The following PCDH10 variants were observed in gnomAD, a reference collection of about 807,000 sequenced individuals.
PCDH10 encodes the protein protocadherin 10.
A neutral mutation model predicts 74.4 loss-of-function variants in PCDH10; 15 were observed. The observed-to-expected ratio is 0.20, with a 90% CI of 0.13 to 0.31. The LOEUF is 0.31. Ranked by LOEUF, PCDH10 falls within the 10% of genes least tolerant of loss-of-function variation. The probability of loss-of-function intolerance (pLI) is 1.00; values close to 1 mark genes in which losing one functional copy is unlikely to be tolerated. For missense variants in PCDH10, 1,260 were observed against 1,390.2 expected (o/e 0.91, Z 1.49); for synonymous variants, 619 against 589.8 (o/e 1.05, Z -0.72).
At chr4:133,181,229 A>G (rs1485046496) in intron 4 of PCDH10, among the ~76,000 whole-genome samples, 1 of 152,056 alleles carries the variant, frequency 6.6e-6, no homozygotes, top group Non-Finnish European at 1.5e-5. Flanking sequence ...AACAGTTAAG[A>G]TTATACAATA....
intron 3 of PCDH10, among the ~76,000 whole-genome samples, chr4:133,156,903 TCA>T (rs1409591722): frequency 2.0e-5 from 3 of 152,206 alleles, no homozygotes; most frequent in Non-Finnish European, 4.4e-5. Context: ...CTACTTTATT[TCA>T]CAGTCACTCA....
chr4:133,153,098 G>A, intron 1 of PCDH10: 1 of 1,325,294 alleles, frequency 7.5e-7, no homozygotes, highest in Non-Finnish European at 9.7e-7. Context: ...GAAGGGAGAG[G>A]GAAATGTGGA....
At chr4:133,170,085 A>G (rs970982728) in intron 4 of PCDH10, among the ~76,000 whole-genome samples, 2 of 151,976 alleles carry the variant, frequency 1.3e-5, no homozygotes, top group African/African-American at 4.8e-5. Context: ...AGGTGAGGAG[A>G]GTGTAGGAAA....
intron 4 of PCDH10, among the ~76,000 whole-genome samples, chr4:133,166,245 A>T (rs1727078496): frequency 6.6e-6 from 1 of 151,634 alleles, no homozygotes; most frequent in Admixed American, 6.6e-5. Context: ...ATTTACCTTA[A>T]ATGTTAATGA....
intron 3 of PCDH10, among the ~76,000 whole-genome samples, 185 bp downstream of exon 3, chr4:133,155,208 C>A (rs1486384027): frequency 6.6e-6 from 1 of 152,146 alleles, no homozygotes; most frequent in Non-Finnish European, 1.5e-5. Flanking sequence ...ATGCAATGTT[C>A]CTTTGGAGAG....
chr4:133,185,098 G>A (rs1727515165), intron 4 of PCDH10, among the ~76,000 whole-genome samples: 1 of 147,758 alleles, frequency 6.8e-6, no homozygotes, highest in Non-Finnish European at 1.5e-5. Flanking sequence ...TTGATTTGAG[G>A]AACATATCTA....
chr4:133,197,531 T>C (rs1727819647), downstream of PCDH10, among the ~76,000 whole-genome samples: 1 of 152,176 alleles, frequency 6.6e-6, no homozygotes, highest in African/African-American at 2.4e-5. Context: ...TTAAGGTAGT[T>C]CAAAATAATC....
At position 133,151,539 on chromosome 4, in the gene PCDH10, G is replaced by T. The variant is rs1314759356; in HGVS notation, c.1399G>T (p.Val467Phe). The T allele has an allele frequency of 1.9e-6, 3 of 1,614,136 alleles. No individual in the cohort carries two copies. The highest frequency in any genetic ancestry group is 2.2e-5 in the South Asian group (2 of 91,084). ...NDNAPRFSQP[V>F]YDVYVTENNV... ...CAACGCGCCGCGTTTCAGCCAGCCG[G>T]TCTACGACGTGTATGTGACTGAAAA... The change falls in exon 1 of 5, where the codon GTC (valine) becomes TTC (phenylalanine). Residue 467 changes from valine (V) to phenylalanine (F), a missense_variant. Around this residue, in one of 11 missense-constraint regions of PCDH10, gnomAD observed 587 missense variants for 616.9 expected, o/e 0.95. Transcript: ENST00000264360.
downstream of PCDH10, among the ~76,000 whole-genome samples, chr4:133,195,783 T>C (rs1037014645): frequency 1.3e-5 from 2 of 152,052 alleles, no homozygotes; most frequent in African/African-American, 2.4e-5. Flanking sequence ...TCAAAATACA[T>C]CATTTATGTA....
At position 133,152,605 on chromosome 4, in the gene PCDH10, A is replaced by G. The variant is rs1726756565; in HGVS notation, c.2465A>G (p.Gln822Arg). ...CACCACAACCAGAATTACTGCTATC[A>G]GGTATGCCTGACCCCTGAGTCCGCC... Reference protein sequence around the residue: ...SHHHNQNYCYQVCLTPESAKT... With the variant: ...SHHHNQNYCYRVCLTPESAKT... Residue 822 changes from glutamine to arginine, a missense_variant, in exon 1 of 5, where the codon CAG (glutamine) becomes CGG (arginine). Around this residue, in one of 11 missense-constraint regions of PCDH10, gnomAD observed 587 missense variants for 616.9 expected, o/e 0.95. Transcript: ENST00000264360. 3.1e-6 allele frequency: 5 copies of G among 1,614,120 alleles called. No individual in the cohort carries two copies. Among genetic ancestry groups the G allele is most frequent in the Non-Finnish European group, 4.2e-6 (5 of 1,180,038 alleles).
In PCDH10 at chr4:133,150,799, G is replaced by A; in HGVS notation, c.659G>A (p.Gly220Glu). 6.3e-7 allele frequency: 1 copy of A among 1,582,050 alleles called. No homozygotes were observed. Among genetic ancestry groups the A allele is most frequent in the South Asian group, 1.2e-5 (1 of 86,728 alleles). The change falls in exon 1 of 5, where the codon GGG becomes GAG. Residue 220 changes from glycine to glutamate, a missense_variant. Coordinates refer to ENST00000264360, the MANE Select transcript of PCDH10 (RefSeq NM_032961.3). ...GTAGGAGAAGGAGGGGGAGGTGGCG[G>A]GGGAGCAGGCCTGCCCCCCCAGCAG... ...GGVGEGGGGGGGAGLPPQQQR... is the reference protein window; with the variant it reads ...GGVGEGGGGGEGAGLPPQQQR...
intron 4 of PCDH10, among the ~76,000 whole-genome samples, chr4:133,188,092 T>G (rs1727578281): frequency 6.6e-6 from 1 of 152,176 alleles, no homozygotes; most frequent in African/African-American, 2.4e-5. Flanking sequence ...TTCTGATTTT[T>G]ACTATTAACA....
At chr4:133,153,215 G>A in intron 1 of PCDH10, 8 of 1,054,228 alleles carry the variant, frequency 7.6e-6, no homozygotes, top group Middle Eastern at 9.4e-4. Flanking sequence ...GCTTTTAGTC[G>A]CGTGTACAAG....
rs1727722479 is a variant in PCDH10 at position 133,193,446 on chromosome 4, C to T, written c.*3286C>T. The T allele has an allele frequency of 1.3e-5, 2 of 151,550 alleles. No homozygotes were observed. The highest frequency in any genetic ancestry group is 1.3e-4 in the Admixed American group (2 of 15,162). The allele number at this position is 151,550 out of a possible 1,614,324, so 9.4% of individuals were successfully genotyped here. A position where few individuals can be genotyped will look rare whatever the true frequency, so the allele number is the denominator to read the frequency against. ...TTGGATTGTAATTTGCCATCAGATTCTCTGTATTATAGAAGCTATCTTGCT... is the reference window on the plus strand; with the variant it reads ...TTGGATTGTAATTTGCCATCAGATTTTCTGTATTATAGAAGCTATCTTGCT... On this transcript the variant is annotated 3_prime_UTR_variant, in exon 5 of 5. Transcript: ENST00000264360.
chr4:133,179,200 G>A lies in PCDH10; in HGVS notation c.3104-10941G>A, dbSNP rs150465054. Among the ~76,000 whole-genome samples, 904 of 152,190 alleles carry A rather than the reference G, an allele frequency of 5.9e-3. 6 individuals are homozygous for A. Among genetic ancestry groups the A allele is most frequent in the Non-Finnish European group, 0.01 (682 of 67,994 alleles). ...CACTGGGCTCTGTGGGAAGGCAGGC[G>A]TATACTTTGTGTTCCTCAAATCCAG... On this transcript the variant is annotated intron_variant, in intron 4 of 4. Transcript: ENST00000264360.
chr4:133,194,763 A>T (rs911991824), downstream of PCDH10: 2 of 151,918 alleles, frequency 1.3e-5, no homozygotes, highest in Non-Finnish European at 2.9e-5. Context: ...TCTGTTCAAA[A>T]CTGAGTCTCA....
chr4:133,162,942 A>T (rs888142502), intron 3 of PCDH10, 35 bp from the exon 4 acceptor site: 1 of 1,548,826 alleles, frequency 6.5e-7, no homozygotes, highest in Non-Finnish European at 8.8e-7. Flanking sequence ...ATGTTGGTGA[A>T]GACTACATCC....
downstream of PCDH10, chr4:133,194,801 A>C (rs1364286620): frequency 1.3e-5 from 2 of 152,016 alleles, no homozygotes; most frequent in African/African-American, 4.8e-5. Flanking sequence ...TAGGTTTTAA[A>C]GGATTTCATT....
chr4:133,185,406 C>A (rs547413530), intron 4 of PCDH10, among the ~76,000 whole-genome samples: 3 of 151,582 alleles, frequency 2.0e-5, no homozygotes, highest in Admixed American at 2.0e-4. Context: ...AAAAAAAATT[C>A]AAAAAGATTT....
Sources: gnomAD v4.1 joint callset for allele counts (sites outside exome capture counted in the v4.1 genomes callset) on GRCh38, gnomAD v4.1.1 for gene constraint, gnomAD v4.1.1 regional missense constraint, MANE v1.5 for transcripts, NCBI Gene and HGNC (gene_info 2026-07-23, HGNC 2026-07-21) for gene names.